Variants in GSTCD observed in about 807,000 individuals in gnomAD.
GSTCD encodes glutathione S-transferase C-terminal domain-containing protein.
A neutral mutation model predicts 68.3 loss-of-function variants in GSTCD; 44 were observed. The ratio of observed to expected loss-of-function variants is 0.64; its 90% CI spans 0.51 to 0.83. GSTCD has a LOEUF of 0.83. GSTCD is among the 40% of genes least tolerant of loss of function. The probability of loss-of-function intolerance (pLI) is 0.00; values close to 1 mark genes in which losing one functional copy is unlikely to be tolerated. For synonymous variants in GSTCD, 273 were observed against 255.2 expected (o/e 1.07, Z -0.67); for missense variants, 739 against 735.9 (o/e 1.00, Z -0.05).
At chr4:105,790,857 G>A (rs913103332) in intron 5 of GSTCD, among the ~76,000 whole-genome samples, 11 of 151,948 alleles carry the variant, frequency 7.2e-5, no homozygotes, top group Non-Finnish European at 1.6e-4. Flanking sequence ...TGTTTTCAGA[G>A]CAGTTGTTAG....
intron 5 of GSTCD, among the ~76,000 whole-genome samples, chr4:105,811,816 G>A (rs1278021199): frequency 6.6e-6 from 1 of 152,190 alleles, no homozygotes; most frequent in Non-Finnish European, 1.5e-5. Context: ...TTAGATCTGA[G>A]TGTTTAATTA....
At chr4:105,825,943 C>G (rs1308673882) in intron 8 of GSTCD, 143 bp downstream of exon 8, 4 of 453,942 alleles carry the variant, frequency 8.8e-6, no homozygotes, top group Non-Finnish European at 1.6e-5. Flanking sequence ...TGAAATATAG[C>G]ATATTAATGA....
chr4:105,789,506 G>T (rs1190076542), intron 5 of GSTCD, among the ~76,000 whole-genome samples: 2 of 151,848 alleles, frequency 1.3e-5, no homozygotes, highest in East Asian at 3.9e-4. Flanking sequence ...TGGAATGAGG[G>T]TCTCAGATCC....
intron 5 of GSTCD, among the ~76,000 whole-genome samples, chr4:105,771,178 G>C (rs1024774310): frequency 2.0e-5 from 3 of 151,822 alleles, no homozygotes; most frequent in Non-Finnish European, 4.4e-5. Flanking sequence ...CTTCTTTTGA[G>C]AACTGTCCGT....
chr4:105,797,965 C>T (rs1247846805), intron 5 of GSTCD, among the ~76,000 whole-genome samples: 1 of 151,930 alleles, frequency 6.6e-6, no homozygotes, highest in Non-Finnish European at 1.5e-5. Context: ...GACAGGGTTT[C>T]ACCATGTTGG....
Position 105,799,681 on chromosome 4 carries a change from T to C in GSTCD, c.1241-23273T>C, listed in dbSNP as rs1032696752. 5.3e-5 allele frequency among the ~76,000 whole-genome samples: 8 copies of C among 152,220 alleles called. No homozygotes were observed. In the East Asian group the frequency reaches 1.4e-3, roughly 26 times the overall value. On this transcript the variant is annotated intron_variant, in intron 5 of 11. Transcript: ENST00000515279. ...CAATAGTAACAACAAAGATCACTTA[T>C]CACAGATCTCCATAACAGATATAAT...
intron 5 of GSTCD, 33 bp downstream of exon 5, chr4:105,729,532 T>C (rs1206569712): frequency 7.4e-7 from 1 of 1,356,650 alleles, no homozygotes; most frequent in East Asian, 2.3e-5. Context: ...GTTTTATTCA[T>C]ACTTTGGATA....
chr4:105,722,030 T>C (rs1275893102), intron 3 of GSTCD, among the ~76,000 whole-genome samples: 2 of 152,144 alleles, frequency 1.3e-5, no homozygotes, highest in Non-Finnish European at 2.9e-5. Context: ...AAGTACACTT[T>C]GACAGAAATA....
At chr4:105,791,403 A>G (rs1466582541) in intron 5 of GSTCD, among the ~76,000 whole-genome samples, 3 of 151,706 alleles carry the variant, frequency 2.0e-5, no homozygotes, top group East Asian at 1.9e-4. Flanking sequence ...AAAAAAAAAA[A>G]AAAAAAGAAA....
At chr4:105,720,754 A>G (rs1051055903) in intron 3 of GSTCD, among the ~76,000 whole-genome samples, 3 of 152,098 alleles carry the variant, frequency 2.0e-5, no homozygotes, top group Admixed American at 1.3e-4. Flanking sequence ...CCTCTCTTCT[A>G]TTACCAAGTT....
At chr4:105,771,461 T>C (rs906412233) in intron 5 of GSTCD, among the ~76,000 whole-genome samples, 2 of 152,212 alleles carry the variant, frequency 1.3e-5, no homozygotes, top group Non-Finnish European at 2.9e-5. Flanking sequence ...ATGTCCTGAA[T>C]GGTATTGCCT....
intron 5 of GSTCD, among the ~76,000 whole-genome samples, chr4:105,768,243 G>T (rs1734700072): frequency 6.6e-6 from 1 of 151,934 alleles, no homozygotes; most frequent in Non-Finnish European, 1.5e-5. Flanking sequence ...TGTTGGCCAG[G>T]ATGGTCTCGA....
At chr4:105,779,870 G>A (rs1294065694) in intron 5 of GSTCD, among the ~76,000 whole-genome samples, 1 of 152,174 alleles carries the variant, frequency 6.6e-6, no homozygotes, top group African/African-American at 2.4e-5. Flanking sequence ...ACATTTGAGA[G>A]AAGGAATTTT....
chr4:105,756,821 C>T (rs186159179), intron 5 of GSTCD, among the ~76,000 whole-genome samples: 1 of 151,996 alleles, frequency 6.6e-6, no homozygotes, highest in African/African-American at 2.4e-5. Flanking sequence ...TTTGAGGTAC[C>T]TCGTGAGAGT....
intron 5 of GSTCD, among the ~76,000 whole-genome samples, chr4:105,749,380 A>G (rs1052664686): frequency 6.6e-6 from 1 of 152,014 alleles, no homozygotes; most frequent in Non-Finnish European, 1.5e-5. Context: ...AGCTTATTCT[A>G]AATTTTATAT....
intron 5 of GSTCD, among the ~76,000 whole-genome samples, chr4:105,800,689 A>G (rs536967556): frequency 4.6e-5 from 7 of 152,340 alleles, no homozygotes; most frequent in African/African-American, 1.7e-4. Context: ...CTATTGATGC[A>G]TAATAGTTGC....
At chr4:105,746,041 T>A (rs936451733) in intron 5 of GSTCD, among the ~76,000 whole-genome samples, 1 of 152,140 alleles carries the variant, frequency 6.6e-6, no homozygotes, top group Non-Finnish European at 1.5e-5. Context: ...TAGAGTACAA[T>A]TGACCCTTGA....
intron 5 of GSTCD, among the ~76,000 whole-genome samples, chr4:105,759,313 A>G (rs574974974): frequency 6.6e-6 from 1 of 151,734 alleles, no homozygotes; most frequent in Non-Finnish European, 1.5e-5. Flanking sequence ...AAGAATATTT[A>G]TTATTATTAT....
intron 5 of GSTCD, among the ~76,000 whole-genome samples, chr4:105,745,209 A>T (rs1733760341): frequency 6.6e-6 from 1 of 152,204 alleles, no homozygotes; most frequent in Non-Finnish European, 1.5e-5. Context: ...CATTTGTGTG[A>T]AAAATATACC....
Sources: allele counts gnomAD v4.1 joint callset (sites outside exome capture counted in the v4.1 genomes callset), GRCh38; gene constraint gnomAD v4.1.1; transcripts MANE v1.5; gene names NCBI Gene and HGNC (gene_info 2026-07-23, HGNC 2026-07-21).